The following E2F5 variants were observed in gnomAD, a reference collection of about 807,000 sequenced individuals.
The protein encoded by E2F5 is transcription factor E2F5.
E2F5 carries 23 observed loss-of-function variants against 39.1 expected under a neutral mutation model. That is an observed-to-expected ratio of 0.59 (90% CI 0.42 to 0.83). The LOEUF is 0.83. Ranked by LOEUF, E2F5 falls within the 40% of genes least tolerant of loss-of-function variation. The probability of loss-of-function intolerance (pLI) is 0.00; values close to 1 mark genes in which losing one functional copy is unlikely to be tolerated. For synonymous variants in E2F5, 145 were observed against 157.8 expected (o/e 0.92, Z 0.61); for missense variants, 365 against 406.7 (o/e 0.90, Z 0.88).
At chr8:85,179,761 G>A (rs1362100391) in intron 1 of E2F5, among the ~76,000 whole-genome samples, 1 of 150,844 alleles carries the variant, frequency 6.6e-6, no homozygotes, top group African/African-American at 2.4e-5. Context: ...CCGGGTTCAC[G>A]CCATTCTCCT....
At chr8:85,198,811 A>G (rs765078827) in intron 1 of E2F5, among the ~76,000 whole-genome samples, 2 of 152,118 alleles carry the variant, frequency 1.3e-5, no homozygotes, top group Admixed American at 6.6e-5. Context: ...AGACTACTGA[A>G]TTTATATCTC....
At chr8:85,207,005 G>A (rs930978872) in intron 4 of E2F5, among the ~76,000 whole-genome samples, 10 of 152,104 alleles carry the variant, frequency 6.6e-5, no homozygotes, top group Non-Finnish European at 1.2e-4. Context: ...ACAGAGATTT[G>A]TTGTAGAATT....
At chr8:85,199,435 C>G (rs1036554694) in intron 1 of E2F5, among the ~76,000 whole-genome samples, 3 of 152,184 alleles carry the variant, frequency 2.0e-5, no homozygotes, top group Non-Finnish European at 4.4e-5. Flanking sequence ...TAACTTCCCT[C>G]TCTTCTTTGA....
At chr8:85,199,908 C>G (rs1378801677) in intron 1 of E2F5, among the ~76,000 whole-genome samples, 3 of 152,122 alleles carry the variant, frequency 2.0e-5, no homozygotes, top group African/African-American at 7.2e-5. Flanking sequence ...GAAGTGGCAG[C>G]CCTGGGACTG....
chr8:85,205,524 G>A (rs1485014659), intron 3 of E2F5, among the ~76,000 whole-genome samples: 1 of 151,888 alleles, frequency 6.6e-6, no homozygotes, highest in East Asian at 2.0e-4. Flanking sequence ...CTGACCTCAA[G>A]TGATCCACCT....
At position 85,203,182 on chromosome 8, in the gene E2F5, A is replaced by G; in HGVS notation, c.433A>G (p.Arg145Gly). Residue 145 changes from arginine to glycine, a missense_variant, in exon 3 of 8, where the codon AGA becomes GGA. Coordinates refer to ENST00000416274, the MANE Select transcript of E2F5 (RefSeq NM_001951.4). ...AATTGAAGATCTAGAACTGAAGGAA[A>G]GAGAACTTGATCAGCAGAAGTTGTG... Reference protein sequence around the residue: ...AEIEDLELKERELDQQKLWLQ... With the variant: ...AEIEDLELKEGELDQQKLWLQ... The G allele has an allele frequency of 1.2e-6, 2 of 1,608,806 alleles. No homozygotes were observed. Among genetic ancestry groups the G allele is most frequent in the Middle Eastern group, 1.7e-4 (1 of 6,048 alleles).
chr8:85,201,120 G>A (rs141058319), intron 1 of E2F5, among the ~76,000 whole-genome samples: 19 of 152,170 alleles, frequency 1.2e-4, no homozygotes, highest in African/African-American at 4.6e-4. Context: ...ACCTTCTCTG[G>A]GGGGAAGGCA....
At chr8:85,212,240 G>C (rs757507239) in intron 7 of E2F5, 36 bp downstream of exon 7, 2 of 1,429,094 alleles carry the variant, frequency 1.4e-6, no homozygotes, top group Admixed American at 1.8e-5. Flanking sequence ...TCACTTATCA[G>C]TAATGCTTCT....
chr8:85,182,321 C>T (rs1294112806), intron 1 of E2F5, among the ~76,000 whole-genome samples: 2 of 152,194 alleles, frequency 1.3e-5, no homozygotes, highest in African/African-American at 4.8e-5. Flanking sequence ...GCAGAACAGC[C>T]CCATTTCACA....
At chr8:85,184,755 A>G (rs1322673963) in intron 1 of E2F5, among the ~76,000 whole-genome samples, 1 of 152,232 alleles carries the variant, frequency 6.6e-6, no homozygotes, top group Admixed American at 6.5e-5. Context: ...GTGGACTCCC[A>G]TTCACAATTG....
intron 4 of E2F5, among the ~76,000 whole-genome samples, chr8:85,206,748 A>G (rs1812810218): frequency 6.6e-6 from 1 of 152,238 alleles, no homozygotes; most frequent in Non-Finnish European, 1.5e-5. Flanking sequence ...AATTATTAAT[A>G]TAACTAAAAT....
At chr8:85,193,780 T>A (rs2129681777) in intron 1 of E2F5, among the ~76,000 whole-genome samples, 1 of 152,340 alleles carries the variant, frequency 6.6e-6, no homozygotes, top group South Asian at 2.1e-4. Context: ...GTTTTTGAGA[T>A]GCATTCATAT....
chr8:85,202,121 C>T, intron 1 of E2F5, 26 bp from the exon 2 acceptor site: 2 of 1,578,924 alleles, frequency 1.3e-6, no homozygotes, highest in Non-Finnish European at 1.7e-6. Flanking sequence ...CTTTATTTCA[C>T]TGTTCTCGTT....
At chr8:85,207,572 A>T in intron 5 of E2F5, 83 bp downstream of exon 5, 1 of 1,181,794 alleles carries the variant, frequency 8.5e-7, no homozygotes. Context: ...GCTGAATGTG[A>T]GCTAATTGTG....
intron 1 of E2F5, chr8:85,200,205 C>T (rs1812665858): frequency 1.8e-6 from 1 of 568,634 alleles, no homozygotes; most frequent in African/African-American, 2.0e-5. Context: ...CAAGATCACA[C>T]CACTGCACTC....
intron 1 of E2F5, among the ~76,000 whole-genome samples, chr8:85,182,252 G>A (rs1315208682): frequency 6.6e-6 from 1 of 152,172 alleles, no homozygotes; most frequent in Admixed American, 6.6e-5. Context: ...CTTACCATAT[G>A]CAAAACATTT....
Position 85,193,419 on chromosome 8 carries a change from G to T in E2F5, c.235-8728G>T, listed in dbSNP as rs904920165. Among the ~76,000 whole-genome samples, 10 of 152,154 alleles carry T rather than the reference G, an allele frequency of 6.6e-5. No homozygotes were observed. The South Asian group carries it at 2.1e-3, about 32-fold the overall frequency. On this transcript the variant is annotated intron_variant, in intron 1 of 7. Transcript: ENST00000416274. ...AATTGCTTGGACCCAGGAGGTGAAG[G>T]TTGCAGTGAGTGGAGATCATGCCAC...
intron 6 of E2F5, among the ~76,000 whole-genome samples, chr8:85,211,269 G>T (rs775176152): frequency 2.1e-4 from 31 of 151,058 alleles, no homozygotes; most frequent in South Asian, 4.2e-4. Flanking sequence ...GCATTGTGAC[G>T]TGTGCCTGTG....
chr8:85,185,201 T>G (rs1039739540), intron 1 of E2F5, among the ~76,000 whole-genome samples: 3 of 151,824 alleles, frequency 2.0e-5, no homozygotes, highest in Non-Finnish European at 4.4e-5. Flanking sequence ...GCCTCGGAAA[T>G]AAACACCACA....
Sources: gnomAD v4.1 joint callset for allele counts (sites outside exome capture counted in the v4.1 genomes callset) on GRCh38, gnomAD v4.1.1 for gene constraint, MANE v1.5 for transcripts, NCBI Gene and HGNC (gene_info 2026-07-23, HGNC 2026-07-21) for gene names.